Variants in ADGRG6 observed in about 807,000 individuals in gnomAD.
ADGRG6 encodes adhesion G protein-coupled receptor G6, also known as G-protein coupled receptor 126.
In ADGRG6, 84 loss-of-function variants were observed where a neutral mutation model predicts 142.4. That is an observed-to-expected ratio of 0.59 (90% confidence interval 0.49 to 0.71). The LOEUF (loss-of-function observed/expected upper bound fraction) is 0.71. Ranked by LOEUF, ADGRG6 falls within the 30% of genes least tolerant of loss-of-function variation. The pLI is 0.00. For synonymous variants in ADGRG6, 521 were observed against 520.5 expected (o/e 1.00, Z -0.01); for missense variants, 1,367 against 1,466.6 (o/e 0.93, Z 1.11).
chr6:142,414,925 A>T (rs773328735), intron 18 of ADGRG6, 44 bp from the exon 19 acceptor site: 22 of 1,564,020 alleles, frequency 1.4e-5, no homozygotes, highest in Non-Finnish European at 1.8e-5. Flanking sequence ...AACCATTCTC[A>T]TGAGAAGAGA....
rs116902877 is a variant in ADGRG6, at chr6:142,426,335, T to C, written c.3319+6231T>C. Among the ~76,000 whole-genome samples, 5,050 of 152,270 alleles carry C rather than the reference T, an allele frequency of 0.033. 463 individuals carry two copies. In the East Asian group the frequency reaches 0.37, roughly 11 times the overall value. On this transcript the variant is annotated intron_variant, in intron 22 of 24. Coordinates refer to ENST00000367609, the MANE Select transcript of ADGRG6 (RefSeq NM_198569.3). ...GAGAAATTGGCCAAAATAAAGGGGCTACAGGCCCAGTGCAAGTCCAGAATC... is the reference window on the plus strand; with the variant it reads ...GAGAAATTGGCCAAAATAAAGGGGCCACAGGCCCAGTGCAAGTCCAGAATC...
chr6:142,397,670 A>C lies in ADGRG6; in HGVS notation c.1482A>C (p.Gly494=). The C allele has an allele frequency of 6.2e-7, 1 of 1,606,500 alleles. No homozygotes were observed. Among genetic ancestry groups the C allele is most frequent in the South Asian group, 1.1e-5 (1 of 90,472 alleles). Residue 494 remains glycine (G), a synonymous_variant, in exon 10 of 25, where the codon GGA becomes GGC. Coordinates refer to ENST00000367609, the MANE Select transcript of ADGRG6 (RefSeq NM_198569.3). ...CTACCAACAATACTAATTTGGAAGG[A>C]AAAATCATTCAGCAGAAGCTCCTAA... is the stretch of plus-strand genomic sequence containing the variant. The part of the protein sequence containing the change: ...YNATNNTNLE[G]KIIQQKLLKN...
intron 9 of ADGRG6, among the ~76,000 whole-genome samples, chr6:142,395,654 C>A (rs1424115474): frequency 6.6e-6 from 1 of 152,102 alleles, no homozygotes; most frequent in African/African-American, 2.4e-5. Context: ...GTGTATATAG[C>A]AAAATCCACA....
intron 4 of ADGRG6, among the ~76,000 whole-genome samples, chr6:142,374,897 A>G (rs1781427270): frequency 6.6e-6 from 1 of 152,228 alleles, no homozygotes; most frequent in Admixed American, 6.5e-5. Flanking sequence ...TATCTCATAT[A>G]CTTATCATTT....
chr6:142,420,779 C>A (rs1415417148), intron 22 of ADGRG6, among the ~76,000 whole-genome samples: 2 of 152,026 alleles, frequency 1.3e-5, no homozygotes, highest in Non-Finnish European at 2.9e-5. Flanking sequence ...ATAGTATACT[C>A]TATAATAAAT....
chr6:142,408,001 A>T lies in ADGRG6; in HGVS notation c.2269-149A>T, dbSNP rs1775894300. On this transcript the variant is annotated intron_variant, in intron 15 of 24. Transcript: ENST00000367609. ...AGGGAAATAGCAAACCTCCTTCAGGAAAGCCAGCAACTTGATGTGATAAAC... is the reference window on the plus strand; with the variant it reads ...AGGGAAATAGCAAACCTCCTTCAGGTAAGCCAGCAACTTGATGTGATAAAC... 9.8e-6 allele frequency: 5 copies of T among 509,540 alleles called. No individual in the cohort carries two copies. The Admixed American group carries it at 1.7e-4, about 17-fold the overall frequency. 31.6% of individuals were successfully genotyped at this position (509,540 alleles called of 1,614,324 possible).
chr6:142,354,301 C>T (rs772673595), intron 2 of ADGRG6, among the ~76,000 whole-genome samples: 3 of 152,082 alleles, frequency 2.0e-5, no homozygotes, highest in East Asian at 1.9e-4. Context: ...ATCACTTGAA[C>T]GAACTTGGGA....
chr6:142,370,504 T>G lies in ADGRG6; in HGVS notation c.780T>G (p.Ser260=). The G allele has an allele frequency of 1.2e-6, 2 of 1,613,734 alleles. No homozygotes were observed. Among genetic ancestry groups the G allele is most frequent in the Non-Finnish European group, 1.7e-6 (2 of 1,179,636 alleles). ...FEQLCLVWNN[S]LGSIGVNFKR... ...AGCTCTGCCTTGTTTGGAATAATTC[T>G]TTGGGCTCTATTGGTGTAAATTTCA... The change falls in exon 4 of 25, where the codon TCT becomes TCG. Residue 260 remains serine, a synonymous_variant. Transcript: ENST00000367609.
At chr6:142,304,990 T>G (rs1482756711) in intron 1 of ADGRG6, among the ~76,000 whole-genome samples, 2 of 152,134 alleles carry the variant, frequency 1.3e-5, no homozygotes, top group African/African-American at 4.8e-5. Context: ...AGCTTCAAGA[T>G]CCATTTATTT....
intron 23 of ADGRG6, chr6:142,437,956 T>C (rs1236312014): frequency 9.0e-6 from 3 of 332,380 alleles, no homozygotes; most frequent in Non-Finnish European, 1.6e-5. Flanking sequence ...TCTTTCTTTG[T>C]TTTTCTTTTT....
chr6:142,392,908 G>A (rs141083328), intron 7 of ADGRG6, 40 bp from the exon 8 acceptor site: 2 of 1,368,146 alleles, frequency 1.5e-6, no homozygotes, highest in South Asian at 1.2e-5. Flanking sequence ...ATTTTTTAAA[G>A]GTATTAGCAA....
intron 5 of ADGRG6, among the ~76,000 whole-genome samples, chr6:142,382,533 G>A (rs1268024742): frequency 6.6e-6 from 1 of 152,100 alleles, no homozygotes; most frequent in Non-Finnish European, 1.5e-5. Flanking sequence ...TAATTATTAC[G>A]ATGCTTACTA....
At chr6:142,440,580 G>A (rs1777705966) in intron 24 of ADGRG6, among the ~76,000 whole-genome samples, 1 of 152,108 alleles carries the variant, frequency 6.6e-6, no homozygotes, top group Non-Finnish European at 1.5e-5. Context: ...ACAGACGTGA[G>A]CCACCACACT....
intron 22 of ADGRG6, among the ~76,000 whole-genome samples, chr6:142,420,892 T>G (rs1326946090): frequency 6.6e-6 from 1 of 152,212 alleles, no homozygotes; most frequent in Non-Finnish European, 1.5e-5. Flanking sequence ...AACTCCTTAG[T>G]GTGCAGAAGC....
At chr6:142,421,597 G>T (rs1043963288) in intron 22 of ADGRG6, among the ~76,000 whole-genome samples, 12 of 152,226 alleles carry the variant, frequency 7.9e-5, no homozygotes, top group Middle Eastern at 3.4e-3. Flanking sequence ...GTATATAAAA[G>T]GCACATTGAT....
intron 2 of ADGRG6, among the ~76,000 whole-genome samples, chr6:142,359,057 A>AT (rs1031912092): frequency 2.0e-5 from 3 of 151,342 alleles, no homozygotes; most frequent in African/African-American, 4.9e-5. Flanking sequence ...AAAAAAAAAA[A>AT]ATATCTGGGC....
intron 24 of ADGRG6, chr6:142,440,897 T>C: frequency 7.4e-7 from 1 of 1,358,868 alleles, no homozygotes; most frequent in Non-Finnish European, 1.0e-6. Context: ...ATTCATATGT[T>C]TATGGTATAG....
At position 142,403,992 on chromosome 6, in the gene ADGRG6, C is replaced by A; in HGVS notation, c.2127+19C>A. 1.3e-6 allele frequency: 2 copies of A among 1,565,826 alleles called. No individual in the cohort carries two copies. The highest frequency in any genetic ancestry group is 1.8e-6 in the Non-Finnish European group (2 of 1,139,828). On this transcript the variant is annotated intron_variant, in intron 14 of 24. Coordinates refer to ENST00000367609, the MANE Select transcript of ADGRG6 (RefSeq NM_198569.3). ...TTTCCAGGTAATGAGCCAGTGGTTT[C>A]TTTCATTTTAATTAATTAGTTAGAC...
chr6:142,348,646 T>G (rs1353241865), intron 2 of ADGRG6, among the ~76,000 whole-genome samples: 1 of 151,576 alleles, frequency 6.6e-6, no homozygotes, highest in African/African-American at 2.4e-5. Flanking sequence ...TTTTTAGATA[T>G]TTAGACTTCA....
Sources: allele counts gnomAD v4.1 joint callset (sites outside exome capture counted in the v4.1 genomes callset), GRCh38; gene constraint gnomAD v4.1.1; transcripts MANE v1.5; gene names NCBI Gene and HGNC (gene_info 2026-07-23, HGNC 2026-07-21).